The following SGSM1 variants were observed in gnomAD, a reference collection of about 807,000 sequenced individuals.
The protein encoded by SGSM1 is RUN and TBC1 domain containing 2.
SGSM1 carries 73 observed loss-of-function variants against 133.8 expected under a neutral mutation model. The observed-to-expected ratio is 0.55, with a 90% CI of 0.45 to 0.66. The LOEUF (loss-of-function observed/expected upper bound fraction) is 0.66. Ranked by LOEUF, SGSM1 falls within the 30% of genes least tolerant of loss-of-function variation. The pLI is 0.00. For synonymous variants in SGSM1, 563 were observed against 573.0 expected (o/e 0.98, Z 0.25); for missense variants, 1,213 against 1,448.1 (o/e 0.84, Z 2.64).
rs779038357 is a variant in SGSM1 at position 24,847,727 on chromosome 22, G to T, written c.233G>T (p.Gly78Val). ...NKIAALFMKV[G>V]KNFPPAEDLS... is the part of the protein sequence containing the mutation. ...ATTGCAGCCCTCTTTATGAAAGTGG[G>T]CAAGAACTTCCCGCCGGCTGAGGAT... Residue 78 changes from glycine to valine, a missense_variant, in exon 4 of 25, where the codon GGC becomes GTC. Coordinates refer to ENST00000400358, the MANE Select transcript of SGSM1 (RefSeq NM_001098497.3). 2 of 1,613,920 alleles carry T rather than the reference G, an allele frequency of 1.2e-6. No homozygotes were observed. Among genetic ancestry groups the T allele is most frequent in the Admixed American group, 1.7e-5 (1 of 60,014 alleles).
At chr22:24,822,818 T>C (rs1928562124) in intron 2 of SGSM1, among the ~76,000 whole-genome samples, 1 of 152,206 alleles carries the variant, frequency 6.6e-6, no homozygotes, top group African/African-American at 2.4e-5. Context: ...GAGACTTTGA[T>C]TTAAGTCCCA....
intron 16 of SGSM1, among the ~76,000 whole-genome samples, chr22:24,889,800 C>T (rs998418401): frequency 2.7e-4 from 41 of 150,420 alleles, no homozygotes; most frequent in Middle Eastern, 3.4e-3. Flanking sequence ...CAGGCGCCCG[C>T]CACCATGCCT....
At chr22:24,870,772 G>A (rs1033520947) in intron 12 of SGSM1, among the ~76,000 whole-genome samples, 6 of 152,156 alleles carry the variant, frequency 3.9e-5, no homozygotes, top group Admixed American at 3.3e-4. Flanking sequence ...TGGCTGATAG[G>A]AGTTAGTGTA....
intron 19 of SGSM1, among the ~76,000 whole-genome samples, chr22:24,901,497 A>C (rs1173004242): frequency 2.0e-5 from 3 of 152,022 alleles, no homozygotes; most frequent in Non-Finnish European, 4.4e-5. Flanking sequence ...GCCATTTTGA[A>C]ATTAAGGTAC....
chr22:24,818,847 A>T (rs914349705), intron 2 of SGSM1, among the ~76,000 whole-genome samples: 3 of 151,982 alleles, frequency 2.0e-5, no homozygotes, highest in East Asian at 3.9e-4. Context: ...TAGCTTTCTG[A>T]TAAAAATAAC....
intron 12 of SGSM1, chr22:24,874,405 G>T (rs765971958): frequency 1.2e-6 from 2 of 1,602,674 alleles, no homozygotes; most frequent in South Asian, 1.1e-5. Context: ...TTTCTGTTTT[G>T]TGTCTCAAGT....
rs1408470125 is a variant in SGSM1 at position 24,925,803 on chromosome 22, G to A, written c.*1529G>A. 6.6e-6 allele frequency: 1 copy of A among 152,338 alleles called. No individual in the cohort carries two copies. The highest frequency in any genetic ancestry group is 1.5e-5 in the Non-Finnish European group (1 of 68,160). The allele number at this position is 152,338 out of a possible 1,614,324, so 9.4% of individuals were successfully genotyped here. A position where few individuals can be genotyped will look rare whatever the true frequency, so the allele number is the denominator to read the frequency against. ...TTTTCCTTGGGAAACATCTGCTGATGAACTGGGTCCAGGGCCGTGCTAGGT... is the reference window on the plus strand; with the variant it reads ...TTTTCCTTGGGAAACATCTGCTGATAAACTGGGTCCAGGGCCGTGCTAGGT... On this transcript the variant is annotated 3_prime_UTR_variant, in exon 25 of 25. Transcript: ENST00000400358.
intron 12 of SGSM1, among the ~76,000 whole-genome samples, chr22:24,872,107 A>G (rs1478341745): frequency 6.6e-6 from 1 of 152,218 alleles, no homozygotes; most frequent in Admixed American, 6.5e-5. Context: ...TATGGCCCAC[A>G]AAGTTGAAAG....
At chr22:24,891,469 A>G (rs73879158) in intron 16 of SGSM1, among the ~76,000 whole-genome samples, 5,817 of 152,210 alleles carry the variant, frequency 0.038, 377 homozygotes, top group African/African-American at 0.13. Context: ...GTTGAAGGAG[A>G]GGAGAAAGCA....
At chr22:24,845,941 T>TTTTTCTTTC (rs1555924223) in intron 3 of SGSM1, among the ~76,000 whole-genome samples, 3 of 115,622 alleles carry the variant, frequency 2.6e-5, no homozygotes, top group African/African-American at 3.4e-5. Context: ...TTTTCTTTTC[T>TTTTTCTTTC]TTTCTTTCTT....
At chr22:24,877,800 TTC>T (rs1319243135) in intron 13 of SGSM1, among the ~76,000 whole-genome samples, 2 of 134,114 alleles carry the variant, frequency 1.5e-5, no homozygotes, top group Admixed American at 8.2e-5. Context: ...GATTCTTTCT[TTC>T]TTTTTTTTTT....
At chr22:24,811,296 C>T (rs758427374) in intron 2 of SGSM1, among the ~76,000 whole-genome samples, 4 of 152,152 alleles carry the variant, frequency 2.6e-5, no homozygotes, top group Admixed American at 6.5e-5. Context: ...ATCTGCTCCC[C>T]GCTCACCCTA....
At chr22:24,895,368 T>C (rs961973175) in intron 18 of SGSM1, 77 bp downstream of exon 18, 3 of 1,408,408 alleles carry the variant, frequency 2.1e-6, no homozygotes, top group Middle Eastern at 1.8e-4. Flanking sequence ...TGGGTGTCCG[T>C]CATCTGTAGG....
intron 2 of SGSM1, among the ~76,000 whole-genome samples, chr22:24,828,049 G>T (rs891361373): frequency 3.3e-5 from 5 of 152,090 alleles, no homozygotes; most frequent in Non-Finnish European, 7.4e-5. Flanking sequence ...CTTTGGGTGT[G>T]ATTGGTGCAG....
chr22:24,837,749 A>C (rs9624625), intron 2 of SGSM1, among the ~76,000 whole-genome samples: 2,428 of 152,062 alleles, frequency 0.016, 71 homozygotes, highest in African/African-American at 0.055. Context: ...GAAGGCTTGC[A>C]CTCTTGTCTA....
At chr22:24,813,862 A>G (rs1273700574) in intron 2 of SGSM1, 1 of 152,198 alleles carries the variant, frequency 6.6e-6, no homozygotes, top group Non-Finnish European at 1.5e-5. Flanking sequence ...TGGTGGTAGC[A>G]TTTGTTGCTG....
At chr22:24,810,771 G>A (rs1927687632) in intron 2 of SGSM1, among the ~76,000 whole-genome samples, 1 of 152,104 alleles carries the variant, frequency 6.6e-6, no homozygotes, top group Non-Finnish European at 1.5e-5. Flanking sequence ...GGCTGTAATT[G>A]GGGAGCCATC....
chr22:24,820,363 C>G (rs1314143492), intron 2 of SGSM1, among the ~76,000 whole-genome samples: 1 of 152,160 alleles, frequency 6.6e-6, no homozygotes, highest in African/African-American at 2.4e-5. Flanking sequence ...GGCTGGCCCT[C>G]ACACTGTCAC....
intron 2 of SGSM1, among the ~76,000 whole-genome samples, chr22:24,822,215 C>T (rs567269970): frequency 6.6e-5 from 10 of 151,718 alleles, no homozygotes; most frequent in South Asian, 2.1e-4. Context: ...CTCAGCCTCC[C>T]GAGTAGCTGG....
Sources: gnomAD v4.1 joint callset for allele counts (sites outside exome capture counted in the v4.1 genomes callset) on GRCh38, gnomAD v4.1.1 for gene constraint, MANE v1.5 for transcripts, NCBI Gene and HGNC (gene_info 2026-07-23, HGNC 2026-07-21) for gene names.